Variants in GDF5 observed in about 807,000 individuals in gnomAD.
GDF5 encodes growth differentiation factor 5.
In GDF5, 17 loss-of-function variants were observed where a neutral mutation model predicts 34.6. The ratio of observed to expected loss-of-function variants is 0.49; its 90% confidence interval spans 0.34 to 0.74. The LOEUF is 0.74. GDF5 is among the 30% of genes least tolerant of loss of function. The pLI, the probability that GDF5 is intolerant of heterozygous loss-of-function variation, is 0.01. For synonymous variants in GDF5, 332 were observed against 290.7 expected (o/e 1.14, Z -1.44); for missense variants, 616 against 661.2 (o/e 0.93, Z 0.75).
intron 1 of GDF5, among the ~76,000 whole-genome samples, chr20:35,437,078 A>G (rs1248633440): frequency 1.7e-4 from 26 of 152,164 alleles, no homozygotes; most frequent in Non-Finnish European, 1.5e-5. Context: ...TGCACCTTGC[A>G]GGCGTTGGAC....
Position 35,434,029 on chromosome 20 carries a change from T to C in GDF5, c.1386A>G (p.Pro462=), listed in dbSNP as rs1056357207. Residue 462 remains proline (P), a synonymous_variant, in exon 2 of 2, where the codon CCA becomes CCG. Coordinates refer to ENST00000374369, the MANE Select transcript of GDF5 (RefSeq NM_000557.5). ...LMNSMDPEST[P]PTCCVPTRLS... is the part of the protein sequence containing the mutation. ...GCCGCGTGGGCACACAGCAGGTGGG[T>C]GGTGTGGACTCGGGGTCCATGGAGT... The C allele has an allele frequency of 1.4e-5, 23 of 1,613,762 alleles. No individual in the cohort carries two copies. Among genetic ancestry groups the C allele is most frequent in the Non-Finnish European group, 1.8e-5 (21 of 1,179,928 alleles).
intron 1 of GDF5, among the ~76,000 whole-genome samples, chr20:35,446,033 T>A (rs1189879135): frequency 6.9e-6 from 1 of 144,182 alleles, no homozygotes; most frequent in Non-Finnish European, 1.5e-5. Flanking sequence ...ATAAGCCAGG[T>A]GTGGTGGCTC....
At position 35,451,054 on chromosome 20, in the gene GDF5, A is replaced by ATATATATATATATATATAT. The variant is rs2062530183; in HGVS notation, c.-398+3585_-398+3586insATATATATATATATATATA. On this transcript the variant is annotated intron_variant, in intron 1 of 3. Transcript: ENST00000374372. ...TTTTAGACTAACAGAAAAAAAAAAA[A>ATATATATATATATATATAT]AAAAAAAAAAATATATATATATATA... Among the ~76,000 whole-genome samples, 35 of 49,120 alleles carry ATATATATATATATATATAT rather than the reference A, an allele frequency of 7.1e-4. 4 individuals carry two copies. The highest frequency in any genetic ancestry group is 9.2e-4 in the African/African-American group (10 of 10,858). The allele number at this position is 49,120 out of a possible 152,430, so 32.2% of individuals were successfully genotyped here.
intron 1 of GDF5, among the ~76,000 whole-genome samples, chr20:35,446,438 CT>C (rs11477146): frequency 0.019 from 2,577 of 135,934 alleles, 26 homozygotes; most frequent in African/African-American, 0.046. Context: ...TTATTTATTG[CT>C]TTTTTTTTTT....
At chr20:35,451,062 AAAATAT>A (rs2062530519) in intron 1 of GDF5, among the ~76,000 whole-genome samples, 1 of 69,756 alleles carries the variant, frequency 1.4e-5, no homozygotes, top group African/African-American at 7.1e-5. Flanking sequence ...AAAAAAAAAA[AAAATAT>A]ATATATATAT....
upstream of GDF5, among the ~76,000 whole-genome samples, chr20:35,439,933 T>TC (rs2146585648): frequency 7.0e-6 from 1 of 143,128 alleles, no homozygotes; most frequent in South Asian, 2.3e-4. Flanking sequence ...TTTTTTTTTT[T>TC]TGAGACAGAG....
chr20:35,437,626 C>T lies in GDF5; in HGVS notation c.303G>A (p.Pro101=), dbSNP rs764289151. The T allele has an allele frequency of 8.1e-6, 13 of 1,614,002 alleles. No homozygotes were observed. The highest frequency in any genetic ancestry group is 4.5e-5 in the East Asian group (2 of 44,882). The change falls in exon 1 of 2, where the codon CCG becomes CCA. Residue 101 remains proline (P), a synonymous_variant. Transcript: ENST00000374369. ...GTCCTGGCTTGGGTTCAGGGCCGCCCGGTCTGGGGGGCAGCTTTTTGGGTT... is the reference window on the plus strand; with the variant it reads ...GTCCTGGCTTGGGTTCAGGGCCGCCTGGTCTGGGGGGCAGCTTTTTGGGTT... ...KDEPKKLPPR[P]GGPEPKPGHP... is the part of the protein sequence containing the mutation.
In GDF5 at chr20:35,437,516, C is replaced by T; in HGVS notation, c.413G>A (p.Gly138Glu). Residue 138 changes from glycine to glutamate, a missense_variant, in exon 1 of 2, where the codon GGA (glycine) becomes GAA (glutamate). Gly to Glu is a moderately conservative substitution (Grantham distance 98, BLOSUM62 -2). Coordinates refer to ENST00000374369, the MANE Select transcript of GDF5 (RefSeq NM_000557.5). The part of the protein sequence containing the change: ...LPGGKAPPKA[G>E]SVPSSFLLKK... The stretch of plus-strand genomic sequence containing the variant: ...CAGCAGGAAGGAGCTGGGGACAGAT[C>T]CTGCTTTTGGGGGTGCCTTGCCTCC... 6.2e-7 allele frequency: 1 copy of T among 1,614,148 alleles called. No homozygotes were observed. The highest frequency in any genetic ancestry group is 8.5e-7 in the Non-Finnish European group (1 of 1,180,016).
intron 1 of GDF5, among the ~76,000 whole-genome samples, chr20:35,443,602 C>G (rs1484089071): frequency 1.3e-5 from 2 of 152,066 alleles, no homozygotes; most frequent in South Asian, 4.2e-4. Context: ...ACCTCTGCCT[C>G]CCAGGTTCGA....
intron 1 of GDF5, among the ~76,000 whole-genome samples, chr20:35,452,396 C>T (rs976080051): frequency 8.5e-5 from 13 of 152,200 alleles, no homozygotes; most frequent in Non-Finnish European, 1.6e-4. Flanking sequence ...TTTGGTATAT[C>T]TTGGTAGTCT....
intron 1 of GDF5, among the ~76,000 whole-genome samples, chr20:35,449,950 C>T (rs2062525263): frequency 6.6e-6 from 1 of 151,244 alleles, no homozygotes; most frequent in African/African-American, 2.4e-5. Flanking sequence ...GATCAAATCA[C>T]TGCACTCCAA....
chr20:35,437,290 C>A lies in GDF5; in HGVS notation c.631+8G>T. On this transcript the variant is annotated splice_region_variant and intron_variant, in intron 1 of 1. Transcript: ENST00000374369. Reference sequence around the variant, plus strand: ...CTGAGCCGTGCCCCTGCCACCCCGCCCCCTCACCTTGCCCTTTGTCAATAA... The same window carrying A: ...CTGAGCCGTGCCCCTGCCACCCCGCACCCTCACCTTGCCCTTTGTCAATAA... The A allele has an allele frequency of 6.2e-7, 1 of 1,600,968 alleles. No individual in the cohort carries two copies. Among genetic ancestry groups the A allele is most frequent in the South Asian group, 1.1e-5 (1 of 90,740 alleles).
In GDF5 at chr20:35,445,023, C is replaced by T. The variant is rs923628608; in HGVS notation, c.-397-3636G>A. On this transcript the variant is annotated intron_variant, in intron 1 of 3. Coordinates refer to the GDF5 transcript ENST00000374372. ...CGCTGGGATTACAGGTGTGAGCCAC[C>T]GTGCCTGGCCTGGATTTTACTTTTA... Among the ~76,000 whole-genome samples the T allele has an allele frequency of 3.9e-5, 6 of 152,146 alleles. No homozygotes were observed. The South Asian group carries it at 8.3e-4, about 21-fold the overall frequency.
At chr20:35,436,270 G>T (rs1432276298) in intron 1 of GDF5, among the ~76,000 whole-genome samples, 1 of 152,096 alleles carries the variant, frequency 6.6e-6, no homozygotes, top group African/African-American at 2.4e-5. Context: ...CCCTGGCTGG[G>T]CAGGCAGCCA....
chr20:35,451,080 T>TATATATATATAA (rs2062531584), intron 1 of GDF5, among the ~76,000 whole-genome samples: 3 of 30,304 alleles, frequency 9.9e-5, no homozygotes, highest in Non-Finnish European at 1.9e-4. Flanking sequence ...TATATATATA[T>TATATATATATAA]ATATATATAT....
chr20:35,433,806 G>A lies in GDF5; in HGVS notation c.*103C>T, dbSNP rs2146577813. The A allele has an allele frequency of 1.0e-6, 1 of 979,792 alleles. No individual in the cohort carries two copies. Among genetic ancestry groups the A allele is most frequent in the South Asian group, 1.3e-5 (1 of 77,794 alleles). 60.7% of individuals were successfully genotyped at this position (979,792 alleles called of 1,614,324 possible). On this transcript the variant is annotated 3_prime_UTR_variant, in exon 2 of 2. Transcript: ENST00000374369. The stretch of plus-strand genomic sequence containing the variant: ...ATTGGAATCCCCTTTCACCCAAGCT[G>A]TGTAGATGCTCCTGCCACAGCTTCC...
chr20:35,436,748 T>A (rs2062474227), intron 1 of GDF5, among the ~76,000 whole-genome samples: 1 of 152,166 alleles, frequency 6.6e-6, no homozygotes. Flanking sequence ...AAGGTCATAC[T>A]GCGAGTTAGG....
chr20:35,434,784 C>T lies in GDF5; in HGVS notation c.632-1G>A. 6.2e-7 allele frequency: 1 copy of T among 1,612,244 alleles called. No homozygotes were observed. Among genetic ancestry groups the T allele is most frequent in the Non-Finnish European group, 8.5e-7 (1 of 1,179,932 alleles). ...TTCCTGACCACGGGACCTCGGTCAT[C>T]TAGAGAGAACACCCAGAAGTCATTC... On this transcript the variant is annotated splice_acceptor_variant, in intron 1 of 1. Transcript: ENST00000374369. LOFTEE classifies it high-confidence loss of function.
At chr20:35,451,868 C>G (rs1024054277) in intron 1 of GDF5, among the ~76,000 whole-genome samples, 12 of 152,116 alleles carry the variant, frequency 7.9e-5, no homozygotes, top group South Asian at 2.1e-4. Context: ...GTGGTGTACT[C>G]TTATGCCTAC....
Sources: gnomAD v4.1 joint callset for allele counts (sites outside exome capture counted in the v4.1 genomes callset) on GRCh38, gnomAD v4.1.1 for gene constraint, MANE v1.5 for transcripts, NCBI Gene and HGNC (gene_info 2026-07-23, HGNC 2026-07-21) for gene names.